The following E2F2 variants were observed in gnomAD, a reference collection of about 807,000 sequenced individuals.
E2F2 encodes transcription factor E2F2.
A neutral mutation model predicts 42.2 loss-of-function variants in E2F2; 22 were observed. The observed-to-expected ratio is 0.52, with a 90% CI of 0.37 to 0.74. The LOEUF (loss-of-function observed/expected upper bound fraction) is 0.74, where lower values mean the gene tolerates loss of function less well. E2F2 is among the 30% of genes least tolerant of loss of function. The probability of loss-of-function intolerance (pLI) is 0.00; values close to 1 mark genes in which losing one functional copy is unlikely to be tolerated. For missense variants in E2F2, 481 were observed against 557.8 expected, an observed-to-expected ratio of 0.86 and a Z score of 1.39; for synonymous variants, 248 against 251.6, an observed-to-expected ratio of 0.99 and a Z score of 0.13.
chr1:23,513,608 G>C (rs928918409), intron 6 of E2F2, among the ~76,000 whole-genome samples: 2 of 140,286 alleles, frequency 1.4e-5, no homozygotes, highest in African/African-American at 5.2e-5. Flanking sequence ...GTGTGTGTGT[G>C]TGTCTGTGCA....
intron 6 of E2F2, among the ~76,000 whole-genome samples, chr1:23,512,192 C>T (rs1642922155): frequency 2.0e-5 from 3 of 152,120 alleles, no homozygotes; most frequent in Middle Eastern, 3.4e-3. Flanking sequence ...GAGCGAGACT[C>T]GTGTCTCAAA....
intron 1 of E2F2, among the ~76,000 whole-genome samples, chr1:23,526,519 C>T (rs774394094): frequency 1.3e-5 from 2 of 152,106 alleles, no homozygotes; most frequent in African/African-American, 4.8e-5. Context: ...TCCCCAGCCA[C>T]ACCTGTCTCC....
rs758716638 is a variant in E2F2, at chr1:23,521,902, G to A, written c.513C>T (p.Asp171=). ...GGATGCCTTCCAGCACGTTGGTGAT[G>A]TCATAGATGCGCCGCTTCTGCACGT... The part of the protein sequence containing the change: ...VLDVQKRRIY[D]ITNVLEGIQL... The change falls in exon 3 of 7, where the codon GAC becomes GAT. Residue 171 remains aspartate (D), a synonymous_variant. Coordinates refer to ENST00000361729, the MANE Select transcript of E2F2 (RefSeq NM_004091.4). 42 of 1,614,104 alleles carry A rather than the reference G, an allele frequency of 2.6e-5. No homozygotes were observed. The highest frequency in any genetic ancestry group is 3.4e-5 in the Non-Finnish European group (40 of 1,180,052).
chr1:23,520,477 C>T (rs1643119073), intron 4 of E2F2, among the ~76,000 whole-genome samples: 1 of 152,108 alleles, frequency 6.6e-6, no homozygotes, highest in Admixed American at 6.5e-5. Flanking sequence ...GGCACAGTGA[C>T]TCATGCCTGT....
In E2F2 at chr1:23,510,003, G is replaced by A; in HGVS notation, c.1191C>T (p.Ser397=). The A allele has an allele frequency of 6.2e-7, 1 of 1,613,812 alleles. No homozygotes were observed. Among genetic ancestry groups the A allele is most frequent in the Non-Finnish European group, 8.5e-7 (1 of 1,179,942 alleles). The stretch of plus-strand genomic sequence containing the variant: ...ATGGGGAGAAGCTGATCAGAGGGGA[G>A]CTGCACGCCAGGGTCGGGGACAGGA... ...DQFLSPTLAC[S]SPLISFSPSL... is the part of the protein sequence containing the mutation. Residue 397 remains serine, a synonymous_variant, in exon 7 of 7, where the codon AGC becomes AGT. Transcript: ENST00000361729.
At chr1:23,510,272 T>TTTTTTAATGATA in intron 6 of E2F2, 124 bp from the exon 7 acceptor site, 2 of 1,408,900 alleles carry the variant, frequency 1.4e-6, no homozygotes, top group South Asian at 1.6e-5. Flanking sequence ...GGGTGGACTG[T>TTTTTTAATGATA]CGTGCTCTCA....
chr1:23,521,606 A>C, intron 3 of E2F2: 1 of 985,116 alleles, frequency 1.0e-6, no homozygotes, highest in Non-Finnish European at 1.2e-6. Flanking sequence ...GCCCCGCATC[A>C]CGTTCTCCGA....
chr1:23,516,772 C>T (rs894222252), intron 5 of E2F2, among the ~76,000 whole-genome samples: 4 of 142,396 alleles, frequency 2.8e-5, no homozygotes, highest in African/African-American at 1.1e-4. Context: ...CTCTTCCCCC[C>T]ACTCTCAGGT....
intron 6 of E2F2, among the ~76,000 whole-genome samples, chr1:23,514,407 T>C (rs1359888372): frequency 2.0e-5 from 3 of 152,080 alleles, no homozygotes; most frequent in African/African-American, 7.2e-5. Context: ...GAGAGATCAT[T>C]AGAGAAGAGT....
At position 23,509,534 on chromosome 1, in the gene E2F2, G is replaced by A. The variant is rs537078594; in HGVS notation, c.*346C>T. On this transcript the variant is annotated 3_prime_UTR_variant, in exon 7 of 7. Transcript: ENST00000361729. ...AAAGGCATTATGTGCTTCTTGGTACGTCGAGGGTCCTAATTACCCCTCAAA... is the reference window on the plus strand; with the variant it reads ...AAAGGCATTATGTGCTTCTTGGTACATCGAGGGTCCTAATTACCCCTCAAA... 1.9e-5 allele frequency: 4 copies of A among 216,188 alleles called. No individual in the cohort carries two copies. Among genetic ancestry groups the A allele is most frequent in the South Asian group, 1.8e-4 (1 of 5,570 alleles). The allele number at this position is 216,188 out of a possible 1,614,324, so 13.4% of individuals were successfully genotyped here. A position where few individuals can be genotyped will look rare whatever the true frequency, so the allele number is the denominator to read the frequency against.
In E2F2 at chr1:23,522,059, G is replaced by A. The variant is rs1375918483; in HGVS notation, c.359-3C>T. On this transcript the variant is annotated splice_polypyrimidine_tract_variant and splice_region_variant and intron_variant, in intron 2 of 6. Transcript: ENST00000361729. ...CTTCTCCCCGGGGGATTTGGGGGCTGAAGAAGAAAGGGACCCAGTCACAGC... is the reference window on the plus strand; with the variant it reads ...CTTCTCCCCGGGGGATTTGGGGGCTAAAGAAGAAAGGGACCCAGTCACAGC... The A allele has an allele frequency of 6.8e-6, 11 of 1,613,556 alleles. No individual in the cohort carries two copies. In the Admixed American group the frequency reaches 1.5e-4, roughly 22 times the overall value.
rs1226565076 is a variant in E2F2 at position 23,507,862 on chromosome 1, T to C, written c.*2018A>G. On this transcript the variant is annotated 3_prime_UTR_variant, in exon 7 of 7. Transcript: ENST00000361729. ...TGGGTCCTGCAGGCCCCTTCTTCCT[T>C]TTCTCTGATGTAATTCTTGGGGAAA... 1.3e-5 allele frequency: 2 copies of C among 152,238 alleles called. No homozygotes were observed. The highest frequency in any genetic ancestry group is 2.9e-5 in the Non-Finnish European group (2 of 68,062). The allele number at this position is 152,238 out of a possible 1,614,324, so 9.4% of individuals were successfully genotyped here. A position where few individuals can be genotyped will look rare whatever the true frequency, so the allele number is the denominator to read the frequency against.
intron 2 of E2F2, 67 bp downstream of exon 2, chr1:23,524,316 A>G: frequency 8.1e-7 from 1 of 1,227,006 alleles, no homozygotes; most frequent in Non-Finnish European, 1.1e-6. Context: ...ACTACCAGTG[A>G]TTGGGCAGGG....
Position 23,530,455 on chromosome 1 carries a change from C to T in E2F2, c.252+87G>A. On this transcript the variant is annotated intron_variant, in intron 1 of 6. Coordinates refer to ENST00000361729, the MANE Select transcript of E2F2 (RefSeq NM_004091.4). This position sits in a 1 kb window ranked among gnomAD's most constrained non-coding sequence, Gnocchi z 4.4. ...CCCTCTTCCCAAAACTCTACCTGCT[C>T]CACTCAAACTGGATCTCAGGCACCC... 2.6e-6 allele frequency: 4 copies of T among 1,529,826 alleles called. No individual in the cohort carries two copies. The highest frequency in any genetic ancestry group is 3.5e-6 in the Non-Finnish European group (4 of 1,140,034). The allele number at this position is 1,529,826 out of a possible 1,614,324, so 94.8% of individuals were successfully genotyped here.
At chr1:23,521,734 C>T (rs1327295709) in intron 3 of E2F2, 103 bp downstream of exon 3, 13 of 1,524,570 alleles carry the variant, frequency 8.5e-6, no homozygotes, top group Non-Finnish European at 1.1e-5. Context: ...GGATGTTGCT[C>T]TCAGCCCCGC....
At chr1:23,517,960 C>T (rs558835379) in intron 5 of E2F2, among the ~76,000 whole-genome samples, 1 of 151,782 alleles carries the variant, frequency 6.6e-6, no homozygotes, top group South Asian at 2.1e-4. Context: ...ACTTCTATGC[C>T]GAAGTTCAAG....
At chr1:23,521,296 T>G (rs1320304925) in intron 3 of E2F2, among the ~76,000 whole-genome samples, 1 of 152,136 alleles carries the variant, frequency 6.6e-6, no homozygotes, top group Admixed American at 6.6e-5. Flanking sequence ...TCGACTCTGT[T>G]CATCCCTATG....
intron 5 of E2F2, among the ~76,000 whole-genome samples, chr1:23,517,566 A>C (rs1372585038): frequency 6.6e-6 from 1 of 152,208 alleles, no homozygotes. Flanking sequence ...CCTTTAAATA[A>C]ATTATTTCTT....
At position 23,530,283 on chromosome 1, in the gene E2F2, G is replaced by C. The variant is rs921043407; in HGVS notation, c.252+259C>G. On this transcript the variant is annotated intron_variant, in intron 1 of 6. Coordinates refer to ENST00000361729, the MANE Select transcript of E2F2 (RefSeq NM_004091.4). The surrounding 1 kb of genome is among the most constrained non-coding windows in gnomAD (Gnocchi z 4.4). ...GGTCACACAGTGCACTGGGAGTAGT[G>C]AGTTGGGTCTCCCTCCAGACTCGCA... 6.6e-6 allele frequency among the ~76,000 whole-genome samples: 1 copy of C among 152,256 alleles called. No individual in the cohort carries two copies. Among genetic ancestry groups the C allele is most frequent in the Non-Finnish European group, 1.5e-5 (1 of 68,046 alleles).
Sources: gnomAD v4.1 joint callset for allele counts (sites outside exome capture counted in the v4.1 genomes callset) on GRCh38, gnomAD v4.1.1 for gene constraint, Gnocchi (gnomAD v3.1) non-coding constraint, MANE v1.5 for transcripts, NCBI Gene and HGNC (gene_info 2026-07-23, HGNC 2026-07-21) for gene names.